BCL2L15: variants seen among roughly 807,000 people sequenced by gnomAD.
BCL2L15 encodes bcl-2-like protein 15.
BCL2L15 carries 15 observed loss-of-function variants against 18.3 expected under a neutral mutation model. That is an observed-to-expected ratio of 0.82 (90% CI 0.55 to 1.26). The LOEUF is 1.26. BCL2L15 is among the 50% of genes most tolerant of loss of function. BCL2L15 has a pLI of 0.00. For synonymous variants in BCL2L15, 58 were observed against 68.5 expected (o/e 0.85, Z 0.76); for missense variants, 180 against 201.7 (o/e 0.89, Z 0.65).
chr1:113,887,510 T>A lies in BCL2L15; in HGVS notation c.-135A>T. On this transcript the variant is annotated 5_prime_UTR_variant, in exon 1 of 4. Transcript: ENST00000393316. ...TCCTGACATGTAATCCTGGAACTTT[T>A]CCCACTAGCTTTCTTCAAACACAGC... The A allele has an allele frequency of 4.1e-6, 5 of 1,225,530 alleles. No individual in the cohort carries two copies. In the South Asian group the frequency reaches 5.6e-5, roughly 14 times the overall value. The allele number at this position is 1,225,530 out of a possible 1,614,324, so 75.9% of individuals were successfully genotyped here. A position where few individuals can be genotyped will look rare whatever the true frequency, so the allele number is the denominator to read the frequency against.
At chr1:113,883,675 T>A (rs1357307225) in intron 2 of BCL2L15, among the ~76,000 whole-genome samples, 1 of 151,094 alleles carries the variant, frequency 6.6e-6, no homozygotes, top group African/African-American at 2.4e-5. Context: ...TCCCAGCTAC[T>A]CAGGAGGCTG....
At chr1:113,881,608 C>T in intron 3 of BCL2L15, 165 bp downstream of exon 3, 1 of 1,432,820 alleles carries the variant, frequency 7.0e-7, no homozygotes, top group Non-Finnish European at 9.2e-7. Flanking sequence ...CTTCTGTCTG[C>T]TCCATTTTTC....
At chr1:113,886,121 T>C (rs372156298) in intron 2 of BCL2L15, among the ~76,000 whole-genome samples, 12 of 144,458 alleles carry the variant, frequency 8.3e-5, no homozygotes, top group Non-Finnish European at 1.8e-4. Flanking sequence ...GAGGCTGCAG[T>C]GGGAGGATCG....
chr1:113,883,552 T>C (rs1666946340), intron 2 of BCL2L15, among the ~76,000 whole-genome samples: 1 of 150,312 alleles, frequency 6.7e-6, no homozygotes, highest in East Asian at 1.9e-4. Flanking sequence ...GGTGGGCGGA[T>C]TGCCTGAGCT....
chr1:113,882,306 A>C (rs1039632140), intron 2 of BCL2L15, among the ~76,000 whole-genome samples: 1 of 152,236 alleles, frequency 6.6e-6, no homozygotes, highest in East Asian at 1.9e-4. Flanking sequence ...CCAGCTGGTT[A>C]AATTGTAAAG....
In BCL2L15 at chr1:113,878,848, TTTA is replaced by T. The variant is rs975201814; in HGVS notation, c.*2272_*2274del. The stretch of plus-strand genomic sequence containing the variant: ...GAATAGAGGAAAAAGCATAACTTTA[TTTA>T]TTTTCTTTTTTTTTTTTTAGACAGT... On this transcript the variant is annotated 3_prime_UTR_variant, in exon 4 of 4. Transcript: ENST00000393316. 1.4e-4 allele frequency: 22 copies of T among 151,996 alleles called. No homozygotes were observed. The highest frequency in any genetic ancestry group is 5.1e-4 in the African/African-American group (21 of 41,404). The allele number at this position is 151,996 out of a possible 1,614,324, so 9.4% of individuals were successfully genotyped here. A position where few individuals can be genotyped will look rare whatever the true frequency, so the allele number is the denominator to read the frequency against.
In BCL2L15 at chr1:113,886,635, C is replaced by T; in HGVS notation, c.151G>A (p.Ala51Thr). The T allele has an allele frequency of 6.2e-7, 1 of 1,611,276 alleles. No homozygotes were observed. Among genetic ancestry groups the T allele is most frequent in the African/African-American group, 1.3e-5 (1 of 74,800 alleles). The change falls in exon 2 of 4, where the codon GCT becomes ACT. Residue 51 changes from alanine to threonine, a missense_variant. Coordinates refer to ENST00000393316, the MANE Select transcript of BCL2L15 (RefSeq NM_001010922.3). ...ATCCGAAGGCGACCAGCAATGATAGCCACATCAAAAGAACAAGGCTCTCCT... is the reference window on the plus strand; with the variant it reads ...ATCCGAAGGCGACCAGCAATGATAGTCACATCAAAAGAACAAGGCTCTCCT... ...DSGEPCSFDV[A>T]IIAGRLRMLG...
Position 113,881,098 on chromosome 1 carries a change from C to A in BCL2L15, c.*25G>T. 1 of 1,614,098 alleles carries A rather than the reference C, an allele frequency of 6.2e-7. No individual in the cohort carries two copies. Among genetic ancestry groups the A allele is most frequent in the Non-Finnish European group, 8.5e-7 (1 of 1,179,968 alleles). ...AATCAGTCAACAAGGAAGTGATGTT[C>A]AGTCTCGTGAATAGCTCCAACTCTT... is the stretch of plus-strand genomic sequence containing the variant. On this transcript the variant is annotated 3_prime_UTR_variant, in exon 4 of 4. Transcript: ENST00000393316.
rs532798813 is a variant in BCL2L15 at position 113,883,778 on chromosome 1, C to T, written c.250-1781G>A. On this transcript the variant is annotated intron_variant, in intron 2 of 3. Coordinates refer to ENST00000393316, the MANE Select transcript of BCL2L15 (RefSeq NM_001010922.3). ...CAGCCTGGACAACAGAGTGAGACCCCGTCTCAAAAAATAAAAGAAACCAGA... is the reference window on the plus strand; with the variant it reads ...CAGCCTGGACAACAGAGTGAGACCCTGTCTCAAAAAATAAAAGAAACCAGA... Among the ~76,000 whole-genome samples the T allele has an allele frequency of 9.2e-5, 14 of 152,064 alleles. No homozygotes were observed. In the South Asian group the frequency reaches 1.0e-3, roughly 11 times the overall value.
chr1:113,885,843 G>T (rs1667014952), intron 2 of BCL2L15, among the ~76,000 whole-genome samples: 1 of 151,804 alleles, frequency 6.6e-6, no homozygotes, highest in Non-Finnish European at 1.5e-5. Flanking sequence ...GGTGGGTGGA[G>T]GTTGCAGTGA....
At position 113,879,290 on chromosome 1, in the gene BCL2L15, T is replaced by C. The variant is rs1428105297; in HGVS notation, c.*1833A>G. 1 of 152,400 alleles carries C rather than the reference T, an allele frequency of 6.6e-6. No individual in the cohort carries two copies. Among genetic ancestry groups the C allele is most frequent in the Admixed American group, 6.5e-5 (1 of 15,286 alleles). The allele number at this position is 152,400 out of a possible 1,614,324, so 9.4% of individuals were successfully genotyped here. A position where few individuals can be genotyped will look rare whatever the true frequency, so the allele number is the denominator to read the frequency against. ...AAACTTTAGCCAAAGTTATTAATGCTGCTTTTCATGAATCACTGTAGCAAT... is the reference window on the plus strand; with the variant it reads ...AAACTTTAGCCAAAGTTATTAATGCCGCTTTTCATGAATCACTGTAGCAAT... On this transcript the variant is annotated 3_prime_UTR_variant, in exon 4 of 4. Transcript: ENST00000393316.
chr1:113,885,267 T>C (rs1296761816), intron 2 of BCL2L15, among the ~76,000 whole-genome samples: 1 of 149,162 alleles, frequency 6.7e-6, no homozygotes, highest in Non-Finnish European at 1.5e-5. Flanking sequence ...AAAAAAAAAA[T>C]ATGTTTAATG....
rs1257102390 is a variant in BCL2L15 at position 113,883,539 on chromosome 1, C to T, written c.250-1542G>A. Among the ~76,000 whole-genome samples the T allele has an allele frequency of 3.3e-5, 5 of 150,744 alleles. No individual in the cohort carries two copies. The East Asian group carries it at 9.7e-4, about 29-fold the overall frequency. ...CTGTAATCCTAGCACTTTGGGAGGC[C>T]AAGGTGGGCGGATTGCCTGAGCTCA... On this transcript the variant is annotated intron_variant, in intron 2 of 3. Transcript: ENST00000393316.
At chr1:113,886,419 TA>T in intron 2 of BCL2L15, 117 bp downstream of exon 2, 1 of 1,161,994 alleles carries the variant, frequency 8.6e-7, no homozygotes, top group Non-Finnish European at 1.2e-6. Flanking sequence ...CCTTGAAATA[TA>T]AGCACCCAAA....
intron 2 of BCL2L15, among the ~76,000 whole-genome samples, chr1:113,883,618 CA>C (rs74443242): frequency 0.023 from 2,585 of 112,744 alleles, 38 homozygotes; most frequent in African/African-American, 0.062. Flanking sequence ...TACTAAAATA[CA>C]AAAAAAAAAA....
chr1:113,887,176 G>A, intron 1 of BCL2L15, 73 bp downstream of exon 1: 1 of 1,443,406 alleles, frequency 6.9e-7, no homozygotes, highest in South Asian at 1.2e-5. Flanking sequence ...GGGATTACGG[G>A]AATCAGTCAC....
At chr1:113,885,216 A>C (rs1055844046) in intron 2 of BCL2L15, among the ~76,000 whole-genome samples, 20 of 151,914 alleles carry the variant, frequency 1.3e-4, no homozygotes, top group Non-Finnish European at 2.6e-4. Flanking sequence ...TCGGCCTCCC[A>C]AAGTGCTGGG....
Position 113,886,660 on chromosome 1 carries a change from T to C in BCL2L15, c.128-2A>G. On this transcript the variant is annotated splice_acceptor_variant, in intron 1 of 3. Transcript: ENST00000393316. LOFTEE classifies it high-confidence loss of function. ...CCACATCAAAAGAACAAGGCTCTCCTATGACAGAGGGAACACATTTGTTAC... is the reference window on the plus strand; with the variant it reads ...CCACATCAAAAGAACAAGGCTCTCCCATGACAGAGGGAACACATTTGTTAC... 1 of 1,600,010 alleles carries C rather than the reference T, an allele frequency of 6.2e-7. No homozygotes were observed. The highest frequency in any genetic ancestry group is 1.1e-5 in the South Asian group (1 of 88,206).
chr1:113,878,491 A>T lies in BCL2L15; in HGVS notation c.*2632T>A, dbSNP rs1666782094. 1 of 152,394 alleles carries T rather than the reference A, an allele frequency of 6.6e-6. No individual in the cohort carries two copies. The highest frequency in any genetic ancestry group is 1.5e-5 in the Non-Finnish European group (1 of 68,046). The allele number at this position is 152,394 out of a possible 1,614,324, so 9.4% of individuals were successfully genotyped here. A position where few individuals can be genotyped will look rare whatever the true frequency, so the allele number is the denominator to read the frequency against. The stretch of plus-strand genomic sequence containing the variant: ...TAATCCCCGTGGGCACCATATCTTC[A>T]AATCTCAAGATAATGCAGTATACTT... On this transcript the variant is annotated 3_prime_UTR_variant, in exon 4 of 4. Coordinates refer to ENST00000393316, the MANE Select transcript of BCL2L15 (RefSeq NM_001010922.3).
Sources: gnomAD v4.1 joint callset for allele counts (sites outside exome capture counted in the v4.1 genomes callset) on GRCh38, gnomAD v4.1.1 for gene constraint, MANE v1.5 for transcripts, NCBI Gene and HGNC (gene_info 2026-07-23, HGNC 2026-07-21) for gene names.